Variants in PARVG observed in about 807,000 individuals in gnomAD.
PARVG encodes gamma-parvin.
PARVG carries 36 observed loss-of-function variants against 44.4 expected under a neutral mutation model. That is an observed-to-expected ratio of 0.81 (90% CI 0.62 to 1.07). The LOEUF (loss-of-function observed/expected upper bound fraction) is 1.07. Ranked by LOEUF, PARVG falls within the 50% of genes least tolerant of loss-of-function variation. The probability of loss-of-function intolerance (pLI) is 0.00; values close to 1 mark genes in which losing one functional copy is unlikely to be tolerated. For missense variants in PARVG, 407 were observed against 407.4 expected, an observed-to-expected ratio of 1.00 and a Z score of 0.01; for synonymous variants, 170 against 174.1, an observed-to-expected ratio of 0.98 and a Z score of 0.19.
intron 4 of PARVG, chr22:44,187,412 G>A: frequency 3.3e-6 from 1 of 306,678 alleles, no homozygotes. Context: ...CCTCTTCAGG[G>A]CAATCTAGGC....
At chr22:44,174,461 C>T (rs1274808281) in intron 1 of PARVG, among the ~76,000 whole-genome samples, 1 of 152,088 alleles carries the variant, frequency 6.6e-6, no homozygotes, top group African/African-American at 2.4e-5. Flanking sequence ...AATCCCAGCA[C>T]TTTGGGAGGC....
intron 5 of PARVG, chr22:44,188,858 A>T (rs547902015): frequency 1.1e-4 from 60 of 525,090 alleles, no homozygotes; most frequent in Non-Finnish European, 1.9e-4. Flanking sequence ...CAACCAGCTC[A>T]GGGGGCTGAG....
chr22:44,185,999 G>C (rs552933933), intron 4 of PARVG, 127 bp downstream of exon 4: 1 of 708,346 alleles, frequency 1.4e-6, no homozygotes, highest in African/African-American at 1.8e-5. Context: ...GGCGACCCCC[G>C]AAGACCCCTG....
intron 3 of PARVG, chr22:44,184,723 A>G (rs1425693472): frequency 5.9e-5 from 9 of 152,220 alleles, no homozygotes; most frequent in Admixed American, 5.9e-4. Flanking sequence ...GAGACCCCAG[A>G]AGGGACAAGC....
At chr22:44,181,986 C>G (rs1466310740) in intron 2 of PARVG, 69 bp downstream of exon 2, 1 of 981,088 alleles carries the variant, frequency 1.0e-6, no homozygotes, top group Admixed American at 6.1e-5. Flanking sequence ...CCAGACACCA[C>G]CTGGGAAGGA....
chr22:44,186,860 A>C, intron 4 of PARVG: 2 of 354,480 alleles, frequency 5.6e-6, no homozygotes, highest in East Asian at 7.5e-5. Flanking sequence ...ATTCCTGCCC[A>C]AGGGGCGATG....
intron 11 of PARVG, 130 bp from the exon 12 acceptor site, chr22:44,198,491 C>G (rs2054647540): frequency 2.7e-6 from 2 of 730,478 alleles, no homozygotes; most frequent in Non-Finnish European, 4.8e-6. Context: ...ATGTCTTCCC[C>G]ACTTCTCATC....
At chr22:44,204,746 C>T (rs142920828) in intron 12 of PARVG, among the ~76,000 whole-genome samples, 56 of 152,360 alleles carry the variant, frequency 3.7e-4, no homozygotes, top group South Asian at 1.4e-3. Context: ...GCTGGGATGT[C>T]CACCCCGTCT....
chr22:44,181,366 T>TCCAG, intron 1 of PARVG, 181 bp downstream of exon 1: 2 of 984,778 alleles, frequency 2.0e-6, no homozygotes, highest in South Asian at 9.4e-5. Context: ...CAGCCGAGAG[T>TCCAG]CCAGGTAGGA....
At chr22:44,197,440 T>A (rs1256844192) in intron 11 of PARVG, among the ~76,000 whole-genome samples, 1 of 152,210 alleles carries the variant, frequency 6.6e-6, no homozygotes, top group Admixed American at 6.5e-5. Flanking sequence ...CACACAGTGA[T>A]AAGTAGTGGA....
At position 44,182,910 on chromosome 22, in the gene PARVG, A is replaced by C; in HGVS notation, c.-12-408A>C. The C allele has an allele frequency of 5.7e-6, 1 of 174,496 alleles. No homozygotes were observed. The allele number at this position is 174,496 out of a possible 1,614,324, so 10.8% of individuals were successfully genotyped here. On this transcript the variant is annotated intron_variant, in intron 2 of 13. Coordinates refer to ENST00000444313, the MANE Select transcript of PARVG (RefSeq NM_022141.7). This position sits in a 1 kb window ranked among gnomAD's most constrained non-coding sequence, Gnocchi z 4.6. The stretch of plus-strand genomic sequence containing the variant: ...CCAGCCCCACACAGGCCGACCGGGG[A>C]GGTTTCCCTTGAGCTCAACCTGACA...
rs554969759 is a variant in PARVG, at chr22:44,207,753, G to A, written c.*1327G>A. The A allele has an allele frequency of 6.6e-6, 1 of 152,386 alleles. No individual in the cohort carries two copies. Among genetic ancestry groups the A allele is most frequent in the African/African-American group, 2.4e-5 (1 of 41,518 alleles). The allele number at this position is 152,386 out of a possible 1,614,324, so 9.4% of individuals were successfully genotyped here. A position where few individuals can be genotyped will look rare whatever the true frequency, so the allele number is the denominator to read the frequency against. On this transcript the variant is annotated 3_prime_UTR_variant, in exon 14 of 14. Transcript: ENST00000444313. ...GCCCTGGGAGCTGGTGTCTGGGTGT[G>A]AGAAGGCCTTGAGGGGTCTTCCCTT...
At chr22:44,199,722 C>T (rs139155) in intron 12 of PARVG, among the ~76,000 whole-genome samples, 72,789 of 151,706 alleles carry the variant, frequency 0.48, 19,513 homozygotes, top group Non-Finnish European at 0.61. Flanking sequence ...GGAAGTTGAT[C>T]AGGGATTGGT....
At chr22:44,200,441 C>T (rs1374860977) in intron 12 of PARVG, among the ~76,000 whole-genome samples, 4 of 152,182 alleles carry the variant, frequency 2.6e-5, no homozygotes, top group African/African-American at 4.8e-5. Flanking sequence ...GGAGAACCAT[C>T]GAGGAGAAAG....
chr22:44,201,174 C>T (rs1006700345), intron 12 of PARVG, among the ~76,000 whole-genome samples: 3 of 152,202 alleles, frequency 2.0e-5, no homozygotes, highest in African/African-American at 7.2e-5. Flanking sequence ...ACCTTCTCAG[C>T]TCCTCTGCAG....
chr22:44,178,047 A>T (rs1458693769), upstream of PARVG, among the ~76,000 whole-genome samples: 2 of 152,178 alleles, frequency 1.3e-5, no homozygotes, highest in Non-Finnish European at 2.9e-5. Context: ...CAGACATTGG[A>T]CATGCCTTTG....
chr22:44,190,413 C>T (rs1431775377), intron 6 of PARVG, 138 bp from the exon 7 acceptor site: 2 of 650,646 alleles, frequency 3.1e-6, no homozygotes, highest in Non-Finnish European at 5.5e-6. Flanking sequence ...ACACGTATCT[C>T]CAGATCTCTG....
chr22:44,194,661 T>G (rs2054593765), intron 9 of PARVG, among the ~76,000 whole-genome samples: 1 of 150,166 alleles, frequency 6.7e-6, no homozygotes, highest in Non-Finnish European at 1.5e-5. Flanking sequence ...TATCCATCCA[T>G]CAACCTATCC....
chr22:44,183,403 C>G lies in PARVG; in HGVS notation c.74C>G (p.Ser25Ter). ...GVEPPAEEEL[S>*]KGGKKKYLPP... is the part of the protein sequence containing the mutation. Reference sequence around the variant, plus strand: ...GAGCCCCCAGCGGAGGAGGAGCTCTCAAAAGGTGTGTGCCCACGCAGGTCT... The same window carrying G: ...GAGCCCCCAGCGGAGGAGGAGCTCTGAAAAGGTGTGTGCCCACGCAGGTCT... Residue 25 changes from serine to a stop codon, truncating the protein, a stop_gained, in exon 3 of 14, where the codon TCA becomes TGA. Coordinates refer to ENST00000444313, the MANE Select transcript of PARVG (RefSeq NM_022141.7). LOFTEE classifies it high-confidence loss of function. The G allele has an allele frequency of 6.2e-7, 1 of 1,601,570 alleles. No individual in the cohort carries two copies.
Sources: gnomAD v4.1 joint callset for allele counts (sites outside exome capture counted in the v4.1 genomes callset) on GRCh38, gnomAD v4.1.1 for gene constraint, Gnocchi (gnomAD v3.1) non-coding constraint, MANE v1.5 for transcripts, NCBI Gene and HGNC (gene_info 2026-07-23, HGNC 2026-07-21) for gene names.